COL6A5: variants seen among roughly 807,000 people sequenced by gnomAD.
The protein encoded by COL6A5 is collagen type VI alpha 5 chain, also known as collagen alpha-5(VI) chain.
A neutral mutation model predicts 65.6 loss-of-function variants in COL6A5; 48 were observed. That is an observed-to-expected ratio of 0.73 (90% confidence interval 0.58 to 0.93). The LOEUF (loss-of-function observed/expected upper bound fraction) is 0.93, where lower values mean the gene tolerates loss of function less well. Among genes scored for constraint, COL6A5 ranks in the 40% least tolerant of loss-of-function variants. The pLI is 0.00. For missense variants in COL6A5, 914 were observed against 928.3 expected (o/e 0.98, Z 0.20); for synonymous variants, 291 against 322.8 (o/e 0.90, Z 1.05).
intron 7 of COL6A5, 50 bp from the exon 41 acceptor site, chr3:130,483,985 T>A (rs376120997): frequency 1.9e-4 from 299 of 1,560,876 alleles, no homozygotes; most frequent in Admixed American, 2.6e-4. Flanking sequence ...AGGAACATTT[T>A]GAACAAATAC....
intron 4 of COL6A5, among the ~76,000 whole-genome samples, chr3:130,381,717 T>C (rs1936000828): frequency 6.6e-6 from 1 of 152,040 alleles, no homozygotes; most frequent in African/African-American, 2.4e-5. Flanking sequence ...AAACTGGAAT[T>C]TGGCAGCACA....
At chr3:130,376,920 G>C in intron 3 of COL6A5, 84 bp downstream of exon 3, 1 of 1,382,910 alleles carries the variant, frequency 7.2e-7, no homozygotes, top group Non-Finnish European at 9.6e-7. Flanking sequence ...ACTCATGTTA[G>C]GTTTTCATGA....
At chr3:130,389,667 G>C (rs986863350) in intron 6 of COL6A5, among the ~76,000 whole-genome samples, 1 of 151,552 alleles carries the variant, frequency 6.6e-6, no homozygotes, top group Admixed American at 6.6e-5. Context: ...TTGCCTGTTC[G>C]TGTATCCATC....
intron 28 of COL6A5, 88 bp from the exon 29 acceptor site, chr3:130,423,750 T>TAAAA: frequency 9.7e-7 from 1 of 1,034,338 alleles, no homozygotes; most frequent in South Asian, 1.7e-5. Context: ...AAAATTTTTT[T>TAAAA]TAAAATTAGA....
rs1159292324 is a variant in COL6A5, at chr3:130,398,119, G to GTTTTTTT, written c.3991+10_3991+11insTTTTTTT. 2.6e-6 allele frequency: 3 copies of GTTTTTTT among 1,150,866 alleles called. No homozygotes were observed. The highest frequency in any genetic ancestry group is 3.4e-5 in the African/African-American group (2 of 58,862). 71.3% of individuals were successfully genotyped at this position (1,150,866 alleles called of 1,614,324 possible). ...ACAGGCTCAGAGAAGCAGGTATTGA[G>GTTTTTTT]TTGTTGTTGTTTTTTTTTTTTTTTT... On this transcript the variant is annotated intron_variant and NMD_transcript_variant, in intron 10 of 41. Transcript: ENST00000312481.
chr3:130,424,314 A>G (rs2107687350), intron 29 of COL6A5, among the ~76,000 whole-genome samples: 1 of 152,244 alleles, frequency 6.6e-6, no homozygotes, highest in Non-Finnish European at 1.5e-5. Context: ...TTTAGACTTC[A>G]GAGAGATTTG....
At chr3:130,393,864 A>G (rs926685172) in intron 7 of COL6A5, among the ~76,000 whole-genome samples, 2 of 152,198 alleles carry the variant, frequency 1.3e-5, no homozygotes, top group Non-Finnish European at 2.9e-5. Flanking sequence ...TTGGCAAGGC[A>G]TCTCTCTATA....
intron 1 of COL6A5, among the ~76,000 whole-genome samples, chr3:130,433,394 G>C (rs1306412575): frequency 6.6e-6 from 1 of 152,120 alleles, no homozygotes; most frequent in Non-Finnish European, 1.5e-5. Flanking sequence ...AGTCATTCTT[G>C]TTAACAAATC....
chr3:130,431,349 G>A (rs779783719), upstream of COL6A5: 80 of 1,150,836 alleles, frequency 7.0e-5, no homozygotes, highest in Admixed American at 2.4e-4. Flanking sequence ...TAGTTCTAGA[G>A]CTGGATGAAG....
rs1208636231 is a variant in COL6A5, at chr3:130,345,997, G to A, written c.-29+16G>A. On this transcript the variant is annotated intron_variant and NMD_transcript_variant, in intron 1 of 41. Coordinates refer to the COL6A5 transcript ENST00000312481. The stretch of plus-strand genomic sequence containing the variant: ...GGAAAGCTGGGTAAGTATGCGGTGC[G>A]GGGACTTGGGGCCTGAGGCAGGCGG... 3 of 398,630 alleles carry A rather than the reference G, an allele frequency of 7.5e-6. No homozygotes were observed. The highest frequency in any genetic ancestry group is 2.1e-5 in the African/African-American group (1 of 48,634). The allele number at this position is 398,630 out of a possible 1,614,324, so 24.7% of individuals were successfully genotyped here.
Position 130,431,867 on chromosome 3 carries a change from C to T in COL6A5, c.407C>T (p.Thr136Met), listed in dbSNP as rs553758826. 1.4e-4 allele frequency: 218 copies of T among 1,551,614 alleles called. No homozygotes were observed. Among genetic ancestry groups the T allele is most frequent in the Non-Finnish European group, 1.7e-4 (192 of 1,146,932 alleles). The change falls in exon 1 of 8, where the codon ACG (threonine) becomes ATG (methionine). Residue 136 changes from threonine (T) to methionine (M), a missense_variant. Thr to Met is a moderately conservative substitution (Grantham distance 81). Coordinates refer to ENST00000512836, the Ensembl canonical transcript of COL6A5. Reference sequence around the variant, plus strand: ...ACAGCCAGTAGGTCATCCATCATCACGGCCACCATGGAGTTTAGTGCCCTG... The same window carrying T: ...ACAGCCAGTAGGTCATCCATCATCATGGCCACCATGGAGTTTAGTGCCCTG...
At chr3:130,468,564 G>A (rs1709871225) in intron 5 of COL6A5, among the ~76,000 whole-genome samples, 1 of 152,028 alleles carries the variant, frequency 6.6e-6, no homozygotes, top group African/African-American at 2.4e-5. Flanking sequence ...GATAGCAAAT[G>A]GGTTTTTTCT....
chr3:130,349,534 A>C (rs559305838), intron 1 of COL6A5, among the ~76,000 whole-genome samples: 21 of 152,338 alleles, frequency 1.4e-4, no homozygotes, highest in Admixed American at 1.3e-3. Context: ...GTCTTTTAAC[A>C]ATCAGAAAAC....
At chr3:130,362,316 ATATATATATATTTTTTT>A (rs1438622994) in intron 1 of COL6A5, among the ~76,000 whole-genome samples, 1,217 of 16,372 alleles carry the variant, frequency 0.074, 40 homozygotes, top group Non-Finnish European at 0.093. Flanking sequence ...ATATATATAT[ATATATATATATTTTTTT>A]TTTTTTTTTT....
At chr3:130,362,356 A>G (rs1935172889) in intron 1 of COL6A5, among the ~76,000 whole-genome samples, 3 of 114,682 alleles carry the variant, frequency 2.6e-5, no homozygotes, top group African/African-American at 3.5e-5. Flanking sequence ...TTGCATGTGG[A>G]TGTCTGGTTG....
At chr3:130,460,150 A>T (rs369672769) in intron 5 of COL6A5, among the ~76,000 whole-genome samples, 17 of 152,262 alleles carry the variant, frequency 1.1e-4, no homozygotes, top group South Asian at 8.3e-4. Context: ...AAGGAACATC[A>T]GCTGAATGTT....
At chr3:130,425,706 A>C (rs1033387540) in intron 29 of COL6A5, among the ~76,000 whole-genome samples, 2 of 152,036 alleles carry the variant, frequency 1.3e-5, no homozygotes, top group Non-Finnish European at 2.9e-5. Context: ...CTTTTGTGTA[A>C]TGTTTATTTT....
intron 5 of COL6A5, among the ~76,000 whole-genome samples, chr3:130,466,176 T>C (rs1559917904): frequency 6.6e-6 from 1 of 152,006 alleles, no homozygotes; most frequent in Non-Finnish European, 1.5e-5. Context: ...TATAATCTTT[T>C]CAAGTGCACA....
At chr3:130,417,876 A>G (rs575338755) in intron 24 of COL6A5, among the ~76,000 whole-genome samples, 1 of 152,224 alleles carries the variant, frequency 6.6e-6, no homozygotes, top group East Asian at 1.9e-4. Context: ...AGCAAATTGT[A>G]TCACGGGTCT....
Sources: gnomAD v4.1 joint callset for allele counts (sites outside exome capture counted in the v4.1 genomes callset) on GRCh38, gnomAD v4.1.1 for gene constraint, MANE v1.5 for transcripts, NCBI Gene and HGNC (gene_info 2026-07-23, HGNC 2026-07-21) for gene names.